MAPKAP1: variants seen among roughly 807,000 people sequenced by gnomAD.
The protein encoded by MAPKAP1 is target of rapamycin complex 2 subunit MAPKAP1.
Under a neutral mutation model 65.7 loss-of-function variants are expected in MAPKAP1, and 20 were observed. That is an observed-to-expected ratio of 0.30 (90% confidence interval 0.21 to 0.44). MAPKAP1 has a LOEUF of 0.44. MAPKAP1 is among the 20% of genes least tolerant of loss of function. MAPKAP1 has a pLI of 1.00. For synonymous variants in MAPKAP1, 222 were observed against 244.3 expected, an observed-to-expected ratio of 0.91 and a Z score of 0.85; for missense variants, 423 against 648.0, an observed-to-expected ratio of 0.65 and a Z score of 3.77.
chr9:125,543,052 A>G lies in MAPKAP1; in HGVS notation c.958+7T>C, dbSNP rs1344094291. On this transcript the variant is annotated splice_region_variant and intron_variant, in intron 7 of 11. Coordinates refer to ENST00000265960, the MANE Select transcript of MAPKAP1 (RefSeq NM_001006617.3). ...ACTACTGTGAGAATATGATTTAACTATCCCACCTGAAACTTTCTGGGATCC... is the reference window on the plus strand; with the variant it reads ...ACTACTGTGAGAATATGATTTAACTGTCCCACCTGAAACTTTCTGGGATCC... The G allele has an allele frequency of 1.6e-5, 25 of 1,569,354 alleles. 1 individual carries two copies. Among genetic ancestry groups the G allele is most frequent in the African/African-American group, 1.3e-5 (1 of 74,114 alleles).
intron 1 of MAPKAP1, chr9:125,696,212 C>A (rs556792252): frequency 6.6e-6 from 1 of 151,724 alleles, no homozygotes; most frequent in Non-Finnish European, 1.5e-5. Context: ...TAAATTAAAA[C>A]AGACCAGGCC....
In MAPKAP1 at chr9:125,543,180, G is replaced by C. The variant is rs768983050; in HGVS notation, c.849-12C>G. 5 of 1,549,692 alleles carry C rather than the reference G, an allele frequency of 3.2e-6. No homozygotes were observed. The highest frequency in any genetic ancestry group is 3.6e-6 in the Non-Finnish European group (4 of 1,121,410). ...CATGAGCAGCATTTCTGTAGGAAAA[G>C]ACAAATATTAAATCATCACCAACAT... On this transcript the variant is annotated splice_polypyrimidine_tract_variant and intron_variant, in intron 6 of 11. Transcript: ENST00000265960.
At chr9:125,535,386 T>C (rs1040388041) in intron 7 of MAPKAP1, among the ~76,000 whole-genome samples, 1 of 152,178 alleles carries the variant, frequency 6.6e-6, no homozygotes, top group Non-Finnish European at 1.5e-5. Context: ...TGCTTGACAA[T>C]TTACCACATT....
At chr9:125,690,662 C>T (rs1007742004) in intron 1 of MAPKAP1, among the ~76,000 whole-genome samples, 1 of 152,094 alleles carries the variant, frequency 6.6e-6, no homozygotes, top group Non-Finnish European at 1.5e-5. Flanking sequence ...TGCTATTATT[C>T]CCTGGTCTAA....
intron 4 of MAPKAP1, among the ~76,000 whole-genome samples, chr9:125,638,946 C>T (rs1473570603): frequency 1.3e-5 from 2 of 152,202 alleles, no homozygotes; most frequent in Non-Finnish European, 2.9e-5. Context: ...AGTGGAAGAC[C>T]TTTGGGAGCC....
intron 4 of MAPKAP1, among the ~76,000 whole-genome samples, chr9:125,630,622 A>T (rs1290856786): frequency 6.6e-6 from 1 of 152,206 alleles, no homozygotes; most frequent in Non-Finnish European, 1.5e-5. Context: ...GTTAGGACAC[A>T]AACAGCCAAC....
intron 4 of MAPKAP1, among the ~76,000 whole-genome samples, chr9:125,636,231 A>G (rs1011354007): frequency 1.3e-5 from 2 of 152,236 alleles, no homozygotes; most frequent in Non-Finnish European, 2.9e-5. Context: ...CCAAAGGCAG[A>G]AAACACCTAA....
Position 125,580,168 on chromosome 9 carries a change from C to T in MAPKAP1, c.671+5387G>A, listed in dbSNP as rs1040262809. ...CTAGAACTAGAAATACCATTTGACC[C>T]ACCTATCCCATTACTGGGTATATAC... On this transcript the variant is annotated intron_variant, in intron 5 of 11. Transcript: ENST00000265960. 3.3e-5 allele frequency among the ~76,000 whole-genome samples: 5 copies of T among 152,170 alleles called. No homozygotes were observed. In the South Asian group the frequency reaches 1.0e-3, roughly 32 times the overall value.
intron 10 of MAPKAP1, among the ~76,000 whole-genome samples, chr9:125,452,702 G>A (rs1392941831): frequency 6.6e-6 from 1 of 152,022 alleles, no homozygotes; most frequent in Non-Finnish European, 1.5e-5. Flanking sequence ...GACCAGCCTG[G>A]CCAACATGGA....
chr9:125,654,025 T>C (rs1263756136), intron 4 of MAPKAP1, among the ~76,000 whole-genome samples: 2 of 152,230 alleles, frequency 1.3e-5, no homozygotes, highest in Admixed American at 6.5e-5. Context: ...AAGAAAGTGA[T>C]ATGGCATAAA....
intron 4 of MAPKAP1, among the ~76,000 whole-genome samples, chr9:125,657,086 T>C (rs1431378001): frequency 6.6e-6 from 1 of 152,136 alleles, no homozygotes; most frequent in Non-Finnish European, 1.5e-5. Context: ...ATTTCTACAG[T>C]TATAATAATC....
At chr9:125,656,512 G>C (rs1372812360) in intron 4 of MAPKAP1, among the ~76,000 whole-genome samples, 1 of 152,058 alleles carries the variant, frequency 6.6e-6, no homozygotes, top group African/African-American at 2.4e-5. Flanking sequence ...AACCTCATGT[G>C]CCAGTGGCCA....
At position 125,539,541 on chromosome 9, in the gene MAPKAP1, T is replaced by C. The variant is rs1442838414; in HGVS notation, c.958+3518A>G. Among the ~76,000 whole-genome samples the C allele has an allele frequency of 3.9e-5, 6 of 152,230 alleles. No homozygotes were observed. The South Asian group carries it at 1.2e-3, about 31-fold the overall frequency. ...TGCCCAACATAATGCTTCAGAAGGCTAGGAAGGGCTGATGGTTAACCGCAT... is the reference window on the plus strand; with the variant it reads ...TGCCCAACATAATGCTTCAGAAGGCCAGGAAGGGCTGATGGTTAACCGCAT... On this transcript the variant is annotated intron_variant, in intron 7 of 11. Coordinates refer to ENST00000265960, the MANE Select transcript of MAPKAP1 (RefSeq NM_001006617.3).
chr9:125,469,093 T>C (rs936300758), intron 9 of MAPKAP1, among the ~76,000 whole-genome samples: 3 of 152,142 alleles, frequency 2.0e-5, no homozygotes, highest in Non-Finnish European at 2.9e-5. Context: ...ACCTTTAACA[T>C]GCCTTCTATA....
At chr9:125,699,862 AT>A (rs1835543560) in intron 1 of MAPKAP1, among the ~76,000 whole-genome samples, 1 of 152,080 alleles carries the variant, frequency 6.6e-6, no homozygotes, top group African/African-American at 2.4e-5. Flanking sequence ...CAATCCACTC[AT>A]CTTGGCCTCC....
intron 1 of MAPKAP1, among the ~76,000 whole-genome samples, chr9:125,699,302 G>A (rs183020755): frequency 1.4e-4 from 22 of 151,948 alleles, no homozygotes; most frequent in Admixed American, 3.3e-4. Flanking sequence ...TTGACACCCC[G>A]GGCTCAAACG....
At chr9:125,449,131 T>C (rs141632515) in intron 10 of MAPKAP1, among the ~76,000 whole-genome samples, 13 of 152,278 alleles carry the variant, frequency 8.5e-5, no homozygotes, top group African/African-American at 3.1e-4. Flanking sequence ...CTGTTTAAAT[T>C]AAGGTTTAAC....
intron 7 of MAPKAP1, 94 bp downstream of exon 7, chr9:125,542,965 G>C (rs1379901377): frequency 1.1e-6 from 1 of 882,054 alleles, no homozygotes; most frequent in Non-Finnish European, 1.9e-6. Context: ...ACATCTGAAA[G>C]AATCTAGCCA....
chr9:125,690,926 T>C (rs768486840), intron 1 of MAPKAP1, among the ~76,000 whole-genome samples: 5 of 152,150 alleles, frequency 3.3e-5, no homozygotes, highest in African/African-American at 7.2e-5. Context: ...TGAAAGATGG[T>C]TGCACGAATT....
Sources: gnomAD v4.1 joint callset for allele counts (sites outside exome capture counted in the v4.1 genomes callset) on GRCh38, gnomAD v4.1.1 for gene constraint, MANE v1.5 for transcripts, NCBI Gene and HGNC (gene_info 2026-07-23, HGNC 2026-07-21) for gene names.